TXNRD1: variants seen among roughly 807,000 people sequenced by gnomAD.
TXNRD1 encodes the protein thioredoxin reductase 1, also known as thioredoxin reductase 1, cytoplasmic.
In TXNRD1, 57 loss-of-function variants were observed where a neutral mutation model predicts 80.3. That is an observed-to-expected ratio of 0.71 (90% CI 0.57 to 0.89). The LOEUF (loss-of-function observed/expected upper bound fraction) is 0.89, where lower values mean the gene tolerates loss of function less well. Among genes scored for constraint, TXNRD1 ranks in the 40% least tolerant of loss-of-function variants. The pLI is 0.00. For synonymous variants in TXNRD1, 291 were observed against 285.2 expected, an observed-to-expected ratio of 1.02 and a Z score of -0.20; for missense variants, 730 against 803.0, an observed-to-expected ratio of 0.91 and a Z score of 1.10.
intron 10 of TXNRD1, among the ~76,000 whole-genome samples, chr12:104,323,013 G>GT (rs2035596627): frequency 7.7e-6 from 1 of 129,762 alleles, no homozygotes; most frequent in Non-Finnish European, 1.6e-5. Flanking sequence ...CTCTTAACGA[G>GT]CATGCTGCCT....
intron 4 of TXNRD1, among the ~76,000 whole-genome samples, chr12:104,289,739 T>TA (rs5800616): frequency 4.0e-5 from 6 of 150,356 alleles, no homozygotes; most frequent in Admixed American, 1.3e-4. Context: ...TTTATGTATT[T>TA]AAAAAAAAAA....
intron 14 of TXNRD1, among the ~76,000 whole-genome samples, chr12:104,332,569 G>A (rs912600429): frequency 6.6e-6 from 1 of 151,836 alleles, no homozygotes; most frequent in Non-Finnish European, 1.5e-5. Flanking sequence ...GACCAACGTG[G>A]AGAAACCCCA....
intron 1 of TXNRD1, among the ~76,000 whole-genome samples, chr12:104,219,385 A>C (rs940423883): frequency 1.3e-5 from 2 of 152,224 alleles, no homozygotes; most frequent in Admixed American, 1.3e-4. Context: ...AATGATGCAG[A>C]AGGTTTTGCT....
intron 3 of TXNRD1, among the ~76,000 whole-genome samples, chr12:104,277,235 C>A (rs866734644): frequency 2.8e-4 from 40 of 141,642 alleles, no homozygotes; most frequent in South Asian, 4.5e-4. Flanking sequence ...ACTAAAAATA[C>A]AAAAAAAAAA....
rs756997829 is a variant in TXNRD1 at position 104,288,967 on chromosome 12, T to A, written c.341T>A (p.Leu114Ter). 4.3e-6 allele frequency: 7 copies of A among 1,613,880 alleles called. No individual in the cohort carries two copies. The highest frequency in any genetic ancestry group is 5.9e-6 in the Non-Finnish European group (7 of 1,179,890). Reference protein sequence around the residue: ...GRALEGTLSELAAETDLPVVF... With the variant: ...GRALEGTLSE ...GCCCTGGAAGGAACGCTCTCGGAAT[T>A]GGCCGCGGAAACCGATCTGCCCGTT... Residue 114 changes from leucine (L) to a stop codon, truncating the protein, a stop_gained, in exon 4 of 17, where the codon TTG (leucine) becomes TAG (stop). Transcript: ENST00000525566. LOFTEE classifies it high-confidence loss of function.
At chr12:104,220,721 G>A (rs1328710881) in intron 1 of TXNRD1, among the ~76,000 whole-genome samples, 59 of 85,644 alleles carry the variant, frequency 6.9e-4, no homozygotes, top group African/African-American at 2.6e-3. Flanking sequence ...ACGAAACTCC[G>A]TCTCCAAAAA....
chr12:104,267,042 C>T (rs2033508110), intron 3 of TXNRD1, among the ~76,000 whole-genome samples: 3 of 149,760 alleles, frequency 2.0e-5, no homozygotes, highest in Non-Finnish European at 4.4e-5. Flanking sequence ...TGGCGGGCAC[C>T]TGTAGTCCAG....
intron 1 of TXNRD1, among the ~76,000 whole-genome samples, chr12:104,247,560 A>G (rs1268330135): frequency 1.3e-5 from 2 of 152,352 alleles, no homozygotes; most frequent in Non-Finnish European, 2.9e-5. Context: ...AAAAATTCTG[A>G]TGATTTTGAT....
intron 3 of TXNRD1, among the ~76,000 whole-genome samples, chr12:104,270,994 CA>C (rs1257712262): frequency 6.6e-6 from 1 of 151,586 alleles, no homozygotes; most frequent in Admixed American, 6.6e-5. Context: ...GCTAAAAATA[CA>C]AAAAAATTAG....
intron 16 of TXNRD1, among the ~76,000 whole-genome samples, chr12:104,344,981 A>T (rs1361865341): frequency 2.0e-5 from 3 of 152,262 alleles, no homozygotes; most frequent in East Asian, 3.9e-4. Flanking sequence ...TTGCTACTGG[A>T]CCCACTGTTT....
At chr12:104,286,914 C>T in intron 3 of TXNRD1, 2 of 1,160,214 alleles carry the variant, frequency 1.7e-6, no homozygotes, top group South Asian at 1.9e-5. Flanking sequence ...CAGGGCTGCA[C>T]GAGGAGTGGA....
intron 3 of TXNRD1, among the ~76,000 whole-genome samples, chr12:104,270,889 C>T (rs955062991): frequency 3.3e-5 from 5 of 152,118 alleles, no homozygotes; most frequent in Non-Finnish European, 7.3e-5. Context: ...TGGCTCACGC[C>T]TATAATCCCA....
chr12:104,326,273 A>G (rs2035758832), intron 11 of TXNRD1, 74 bp from the exon 12 acceptor site: 1 of 999,202 alleles, frequency 1.0e-6, no homozygotes, highest in Non-Finnish European at 1.5e-6. Context: ...CTTAATAAGC[A>G]GAGAAAAATA....
intron 14 of TXNRD1, among the ~76,000 whole-genome samples, chr12:104,333,674 A>G (rs2135869557): frequency 6.6e-6 from 1 of 152,194 alleles, no homozygotes; most frequent in African/African-American, 2.4e-5. Flanking sequence ...ACCAGCAATT[A>G]AATTAGTAAG....
chr12:104,272,181 C>T (rs576994458), intron 3 of TXNRD1, among the ~76,000 whole-genome samples: 2 of 152,146 alleles, frequency 1.3e-5, no homozygotes, highest in East Asian at 1.9e-4. Flanking sequence ...CCCTTACAGA[C>T]GGAGCAATGG....
At chr12:104,347,958 A>C (rs2036547072) in intron 16 of TXNRD1, among the ~76,000 whole-genome samples, 1 of 152,186 alleles carries the variant, frequency 6.6e-6, no homozygotes, top group South Asian at 2.1e-4. Flanking sequence ...AACTCGGTGG[A>C]GGGAAAGGAG....
chr12:104,276,196 G>A (rs1044474798), intron 3 of TXNRD1, among the ~76,000 whole-genome samples: 2 of 152,210 alleles, frequency 1.3e-5, no homozygotes, highest in African/African-American at 2.4e-5. Flanking sequence ...TTGAAGAAAG[G>A]TGGGGTCCCC....
intron 15 of TXNRD1, among the ~76,000 whole-genome samples, chr12:104,335,687 A>T (rs2036114800): frequency 6.6e-6 from 1 of 152,200 alleles, no homozygotes; most frequent in African/African-American, 2.4e-5. Flanking sequence ...AAGAAAACTG[A>T]TCTTTTTAAC....
intron 1 of TXNRD1, among the ~76,000 whole-genome samples, chr12:104,239,473 G>A (rs777218190): frequency 5.9e-5 from 9 of 152,120 alleles, no homozygotes; most frequent in Admixed American, 5.2e-4. Flanking sequence ...GGGATTACAC[G>A]TGTGAGCCAC....
Sources: gnomAD v4.1 joint callset for allele counts (sites outside exome capture counted in the v4.1 genomes callset) on GRCh38, gnomAD v4.1.1 for gene constraint, MANE v1.5 for transcripts, NCBI Gene and HGNC (gene_info 2026-07-23, HGNC 2026-07-21) for gene names.